HMCN1: variants seen among roughly 807,000 people sequenced by gnomAD.
The protein encoded by HMCN1 is hemicentin-1.
Under a neutral mutation model 625.9 loss-of-function variants are expected in HMCN1, and 321 were observed. That is an observed-to-expected ratio of 0.51 (90% confidence interval 0.47 to 0.56). The LOEUF is 0.56. Among genes scored for constraint, HMCN1 ranks in the 20% least tolerant of loss-of-function variants. The pLI, the probability that HMCN1 is intolerant of heterozygous loss-of-function variation, is 0.00. For missense variants in HMCN1, 6,588 were observed against 6,887.3 expected (o/e 0.96, Z 1.54); for synonymous variants, 2,425 against 2,417.6 (o/e 1.00, Z -0.09).
intron 4 of HMCN1, 43 bp from the exon 5 acceptor site, chr1:185,909,294 A>G: frequency 6.6e-7 from 1 of 1,509,288 alleles, no homozygotes; most frequent in Non-Finnish European, 9.2e-7. Flanking sequence ...TAAAACTGCG[A>G]ATGTTTTCTG....
chr1:186,159,734 G>T (rs561869682), intron 97 of HMCN1, among the ~76,000 whole-genome samples: 3 of 152,082 alleles, frequency 2.0e-5, no homozygotes, highest in Non-Finnish European at 2.9e-5. Context: ...ATTGATTTGC[G>T]TATATTGAAC....
At chr1:186,085,801 T>C (rs1659444838) in intron 57 of HMCN1, among the ~76,000 whole-genome samples, 1 of 152,118 alleles carries the variant, frequency 6.6e-6, no homozygotes, top group African/African-American at 2.4e-5. Context: ...AAGTCTAACC[T>C]GACTCTAGAT....
intron 36 of HMCN1, among the ~76,000 whole-genome samples, chr1:186,023,504 T>G (rs1282901257): frequency 1.3e-5 from 2 of 152,128 alleles, no homozygotes; most frequent in Non-Finnish European, 2.9e-5. Flanking sequence ...GCGTTTTTCT[T>G]GCCTGCCTAT....
At position 186,125,776 on chromosome 1, in the gene HMCN1, C is replaced by A; in HGVS notation, c.12672C>A (p.Leu4224=). ...ACACTGCTGAACCATATGGAGAACT[C>A]ATTTTAGAAAATGTTGTGGTAAGTT... ...GKYTAEPYGE[L]ILENVVLEDS... Residue 4224 remains leucine (L), a synonymous_variant, in exon 82 of 107, where the codon CTC becomes CTA. Transcript: ENST00000271588. The A allele has an allele frequency of 6.2e-7, 1 of 1,612,894 alleles. No homozygotes were observed. Among genetic ancestry groups the A allele is most frequent in the South Asian group, 1.1e-5 (1 of 91,032 alleles).
intron 4 of HMCN1, among the ~76,000 whole-genome samples, chr1:185,903,314 G>T (rs1477072576): frequency 6.6e-6 from 1 of 151,680 alleles, no homozygotes; most frequent in Admixed American, 6.6e-5. Flanking sequence ...AGTTGAAATT[G>T]AGAGTTCCTC....
chr1:185,926,742 C>T (rs1174007631), intron 9 of HMCN1, among the ~76,000 whole-genome samples: 1 of 152,158 alleles, frequency 6.6e-6, no homozygotes, highest in East Asian at 1.9e-4. Context: ...TGTCCCTGCC[C>T]TAGATTTCCT....
chr1:186,010,173 GT>G (rs1653903279), intron 30 of HMCN1, among the ~76,000 whole-genome samples: 2 of 151,976 alleles, frequency 1.3e-5, no homozygotes, highest in Admixed American at 6.6e-5. Flanking sequence ...AGGGGTGTGC[GT>G]GTCTGTGTGT....
intron 2 of HMCN1, among the ~76,000 whole-genome samples, chr1:185,860,222 A>G (rs1297103311): frequency 6.6e-6 from 1 of 152,158 alleles, no homozygotes; most frequent in Non-Finnish European, 1.5e-5. Context: ...AATAATTTAA[A>G]TATACTGTAT....
At chr1:185,842,904 G>C (rs1661573015) in intron 1 of HMCN1, among the ~76,000 whole-genome samples, 1 of 152,130 alleles carries the variant, frequency 6.6e-6, no homozygotes, top group African/African-American at 2.4e-5. Flanking sequence ...TTGGAAAACA[G>C]GGAAAGTTAG....
rs370629371 is a variant in HMCN1, at chr1:186,156,208, A to G, written c.15256+2221A>G. 8.5e-5 allele frequency among the ~76,000 whole-genome samples: 13 copies of G among 152,206 alleles called. 1 individual carries two copies. The highest frequency in any genetic ancestry group is 5.8e-4 in the East Asian group (3 of 5,204). On this transcript the variant is annotated intron_variant, in intron 97 of 106. Coordinates refer to ENST00000271588, the MANE Select transcript of HMCN1 (RefSeq NM_031935.3). The stretch of plus-strand genomic sequence containing the variant: ...GGAATATATAAATTTAACTAACTAC[A>G]GATACATTTTTTACAACTTCTTCAT...
At chr1:185,938,616 G>A (rs936517461) in intron 11 of HMCN1, among the ~76,000 whole-genome samples, 5 of 152,004 alleles carry the variant, frequency 3.3e-5, no homozygotes, top group African/African-American at 1.2e-4. Flanking sequence ...TTGGACTCTT[G>A]CCAAGACCAC....
At chr1:185,934,326 G>A (rs1667705993) in intron 11 of HMCN1, among the ~76,000 whole-genome samples, 1 of 152,116 alleles carries the variant, frequency 6.6e-6, no homozygotes, top group East Asian at 1.9e-4. Context: ...CATAAGCAGA[G>A]TGGTTTTTAA....
intron 52 of HMCN1, among the ~76,000 whole-genome samples, chr1:186,072,805 T>C (rs974978922): frequency 1.3e-5 from 2 of 152,214 alleles, no homozygotes; most frequent in African/African-American, 4.8e-5. Flanking sequence ...AGAAGACTAA[T>C]GGAGAGCCAG....
At chr1:186,177,105 C>G (rs1282877653) in intron 103 of HMCN1, 1 of 150,022 alleles carries the variant, frequency 6.7e-6, no homozygotes, top group East Asian at 1.9e-4. Context: ...GAGATCAAGA[C>G]CATCCTGGCT....
At chr1:186,138,368 C>A (rs556263261) in intron 89 of HMCN1, among the ~76,000 whole-genome samples, 1 of 152,244 alleles carries the variant, frequency 6.6e-6, no homozygotes, top group East Asian at 1.9e-4. Context: ...AAATACGAAT[C>A]GCTGTCATTC....
intron 30 of HMCN1, among the ~76,000 whole-genome samples, chr1:186,014,067 G>C (rs190016133): frequency 1.3e-5 from 2 of 152,010 alleles, no homozygotes; most frequent in Non-Finnish European, 2.9e-5. Flanking sequence ...ACCTTAGCCG[G>C]GTTACCAAAG....
intron 10 of HMCN1, among the ~76,000 whole-genome samples, chr1:185,933,099 A>T (rs905364174): frequency 1.1e-4 from 17 of 152,174 alleles, no homozygotes; most frequent in African/African-American, 4.1e-4. Flanking sequence ...GTGTTTCATT[A>T]ATGAGACTGT....
At chr1:185,975,482 G>A (rs193071662) in intron 15 of HMCN1, among the ~76,000 whole-genome samples, 9 of 152,052 alleles carry the variant, frequency 5.9e-5, no homozygotes, top group Admixed American at 3.3e-4. Flanking sequence ...TCACTATCCC[G>A]AGAACAGCAA....
At chr1:185,763,592 A>G (rs936617439) in intron 1 of HMCN1, among the ~76,000 whole-genome samples, 3 of 152,188 alleles carry the variant, frequency 2.0e-5, no homozygotes, top group African/African-American at 7.2e-5. Context: ...GAGCTACTTC[A>G]CATTTTAACA....
Sources: allele counts gnomAD v4.1 joint callset (sites outside exome capture counted in the v4.1 genomes callset), GRCh38; gene constraint gnomAD v4.1.1; transcripts MANE v1.5; gene names NCBI Gene and HGNC (gene_info 2026-07-23, HGNC 2026-07-21).